The following SLCO6A1 variants were observed in gnomAD, a reference collection of about 807,000 sequenced individuals.
The protein encoded by SLCO6A1 is cancer/testis antigen 48.
SLCO6A1 carries 65 observed loss-of-function variants against 72.7 expected under a neutral mutation model. The observed-to-expected ratio is 0.89, with a 90% confidence interval of 0.73 to 1.10. The LOEUF is 1.10. SLCO6A1 is among the 50% of genes least tolerant of loss of function. The pLI is 0.00. For missense variants in SLCO6A1, 874 were observed against 872.6 expected (o/e 1.00, Z -0.02); for synonymous variants, 314 against 298.2 (o/e 1.05, Z -0.55).
intron 1 of SLCO6A1, among the ~76,000 whole-genome samples, chr5:102,490,879 G>A (rs1002037219): frequency 2.0e-5 from 3 of 152,242 alleles, no homozygotes; most frequent in African/African-American, 4.8e-5. Context: ...TGCAGAGAGC[G>A]AAAGAACAAA....
intron 6 of SLCO6A1, among the ~76,000 whole-genome samples, chr5:102,443,417 C>T (rs1749948785): frequency 6.6e-6 from 1 of 151,572 alleles, no homozygotes; most frequent in African/African-American, 2.4e-5. Flanking sequence ...TTTGAGTTTC[C>T]CACTCTTCCT....
At chr5:102,478,422 T>C (rs1480492664) in intron 2 of SLCO6A1, among the ~76,000 whole-genome samples, 1 of 152,220 alleles carries the variant, frequency 6.6e-6, no homozygotes, top group Non-Finnish European at 1.5e-5. Context: ...TTTAGTTTTA[T>C]GTTCACCTCT....
At chr5:102,447,507 T>C (rs190690055) in intron 6 of SLCO6A1, among the ~76,000 whole-genome samples, 165 of 152,316 alleles carry the variant, frequency 1.1e-3, no homozygotes, top group African/African-American at 3.9e-3. Flanking sequence ...CAGAGTCTTT[T>C]CTGGTTCGTT....
chr5:102,428,376 C>T lies in SLCO6A1; in HGVS notation c.1277-8355G>A, dbSNP rs148414549. On this transcript the variant is annotated intron_variant, in intron 7 of 13. Coordinates refer to ENST00000506729, the MANE Select transcript of SLCO6A1 (RefSeq NM_173488.5). ...ATTTACATAATTAATGAAATATTAG[C>T]CCTGGAAATAAATGTACACTCCAAC... Among the ~76,000 whole-genome samples the T allele has an allele frequency of 7.9e-5, 12 of 151,934 alleles. No individual in the cohort carries two copies. The East Asian group carries it at 1.6e-3, about 20-fold the overall frequency.
chr5:102,388,765 T>C lies in SLCO6A1; in HGVS notation c.1940A>G (p.Asp647Gly). The C allele has an allele frequency of 6.2e-7, 1 of 1,608,494 alleles. No individual in the cohort carries two copies. The highest frequency in any genetic ancestry group is 1.7e-5 in the Admixed American group (1 of 58,740). The change falls in exon 12 of 14, where the codon GAT becomes GGT. Residue 647 changes from aspartate (D) to glycine (G), a missense_variant. Physicochemically the swap from Asp to Gly is moderately conservative, Grantham distance 94 (BLOSUM62 -1). Coordinates refer to ENST00000506729, the MANE Select transcript of SLCO6A1 (RefSeq NM_173488.5). ...MSGETSCILRDVNKCGHTGRC... is the reference protein window; with the variant it reads ...MSGETSCILRGVNKCGHTGRC... ...TCCTGTGTGTCCACATTTATTAACA[T>C]CCCGTAAAATACAAGAAGTTTCTCC...
chr5:102,460,948 A>G (rs1163218120), intron 4 of SLCO6A1, among the ~76,000 whole-genome samples: 1 of 36,720 alleles, frequency 2.7e-5, no homozygotes, highest in South Asian at 7.0e-4. Context: ...ATATATATAT[A>G]TATATATCTG....
intron 12 of SLCO6A1, among the ~76,000 whole-genome samples, chr5:102,385,826 C>CTTTTTT (rs57983218): frequency 1.7e-5 from 2 of 121,208 alleles, no homozygotes; most frequent in South Asian, 2.7e-4. Flanking sequence ...CCTGTTTTTC[C>CTTTTTT]TTTTTTTTTT....
At chr5:102,394,209 T>C (rs1260680864) in intron 10 of SLCO6A1, among the ~76,000 whole-genome samples, 1 of 152,234 alleles carries the variant, frequency 6.6e-6, no homozygotes, top group East Asian at 1.9e-4. Context: ...TATATGAGCA[T>C]TGACCTGTTG....
intron 12 of SLCO6A1, among the ~76,000 whole-genome samples, chr5:102,382,681 CAACA>C (rs1456715248): frequency 6.6e-6 from 1 of 151,242 alleles, no homozygotes; most frequent in African/African-American, 2.4e-5. Flanking sequence ...TTATGATTTT[CAACA>C]TACAGATCTT....
At chr5:102,403,257 A>T (rs1403472546) in intron 9 of SLCO6A1, among the ~76,000 whole-genome samples, 2 of 152,182 alleles carry the variant, frequency 1.3e-5, no homozygotes, top group African/African-American at 4.8e-5. Context: ...TCTTACCCAA[A>T]TGTACTGTCT....
At chr5:102,387,953 G>A (rs577897094) in intron 12 of SLCO6A1, among the ~76,000 whole-genome samples, 1 of 151,948 alleles carries the variant, frequency 6.6e-6, no homozygotes, top group Non-Finnish European at 1.5e-5. Flanking sequence ...ATACCACCAC[G>A]GCATCTCAAG....
intron 5 of SLCO6A1, 57 bp from the exon 6 acceptor site, chr5:102,458,548 AT>A: frequency 8.2e-7 from 1 of 1,219,744 alleles, no homozygotes; most frequent in Non-Finnish European, 1.2e-6. Flanking sequence ...AAACCCATAC[AT>A]AAAACCTACA....
intron 7 of SLCO6A1, among the ~76,000 whole-genome samples, chr5:102,432,692 A>G (rs1749285476): frequency 1.3e-5 from 2 of 152,024 alleles, no homozygotes; most frequent in South Asian, 4.2e-4. Flanking sequence ...CTTTCTCTCT[A>G]GCTGCCTTTG....
Position 102,498,710 on chromosome 5 carries a change from C to G in SLCO6A1, c.135G>C (p.Gly45=). The G allele has an allele frequency of 6.2e-7, 1 of 1,614,174 alleles. No individual in the cohort carries two copies. The highest frequency in any genetic ancestry group is 1.3e-5 in the African/African-American group (1 of 75,046). Residue 45 remains glycine (G), a synonymous_variant, in exon 1 of 14, where the codon GGG becomes GGC. Coordinates refer to ENST00000506729, the MANE Select transcript of SLCO6A1 (RefSeq NM_173488.5). ...AKGTPKSSKP[G]KKHRYLRLLP... Reference sequence around the variant, plus strand: ...GTAGTCTCAGATACCGGTGTTTTTTCCCGGGCTTCGAGGACTTCGGGGTTC... The same window carrying G: ...GTAGTCTCAGATACCGGTGTTTTTTGCCGGGCTTCGAGGACTTCGGGGTTC...
intron 1 of SLCO6A1, among the ~76,000 whole-genome samples, chr5:102,493,546 G>C (rs1424251258): frequency 6.6e-6 from 1 of 152,124 alleles, no homozygotes; most frequent in African/African-American, 2.4e-5. Context: ...ATATTTAACT[G>C]TGAAAGGCTG....
At chr5:102,382,299 G>A (rs1399931624) in intron 12 of SLCO6A1, among the ~76,000 whole-genome samples, 1 of 151,602 alleles carries the variant, frequency 6.6e-6, no homozygotes, top group African/African-American at 2.4e-5. Flanking sequence ...GTCTATAAAT[G>A]CATAGTTTAT....
rs1403946582 is a variant in SLCO6A1 at position 102,480,357 on chromosome 5, C to T, written c.436G>A (p.Ala146Thr). 2.5e-6 allele frequency: 4 copies of T among 1,613,574 alleles called. No individual in the cohort carries two copies. The highest frequency in any genetic ancestry group is 3.4e-6 in the Non-Finnish European group (4 of 1,179,744). ...GAAATATCGTAACTCTTTTCCAATG[C>T]CAACTTCTCAATGGTTTTCAGTTGA... ...EYQLKTIEKL[A>T]LEKSYDISSG... Residue 146 changes from alanine (A) to threonine (T), a missense_variant, in exon 2 of 14, where the codon GCA becomes ACA. Physicochemically the swap from Ala to Thr is moderately conservative, Grantham distance 58. Transcript: ENST00000506729.
At chr5:102,434,042 T>C (rs562021929) in intron 7 of SLCO6A1, among the ~76,000 whole-genome samples, 3 of 152,184 alleles carry the variant, frequency 2.0e-5, no homozygotes, top group African/African-American at 7.2e-5. Flanking sequence ...GTAACATATA[T>C]TGAAATTTTT....
intron 4 of SLCO6A1, among the ~76,000 whole-genome samples, chr5:102,473,174 G>T (rs565089005): frequency 1.3e-5 from 2 of 151,828 alleles, no homozygotes; most frequent in African/African-American, 4.8e-5. Flanking sequence ...GATACTACAA[G>T]AAAACTACAG....
Sources: allele counts gnomAD v4.1 joint callset (sites outside exome capture counted in the v4.1 genomes callset), GRCh38; gene constraint gnomAD v4.1.1; transcripts MANE v1.5; gene names NCBI Gene and HGNC (gene_info 2026-07-23, HGNC 2026-07-21).